The following ERICH1 variants were observed in gnomAD, a reference collection of about 807,000 sequenced individuals.
The protein encoded by ERICH1 is glutamate-rich protein 1.
ERICH1 carries 56 observed loss-of-function variants against 39.6 expected under a neutral mutation model. That is an observed-to-expected ratio of 1.41 (90% CI 1.14 to 1.77). The LOEUF is 1.77. Ranked by LOEUF, ERICH1 falls within the 40% of genes most tolerant of loss-of-function variation. The pLI, the probability that ERICH1 is intolerant of heterozygous loss-of-function variation, is 0.00. For synonymous variants in ERICH1, 313 were observed against 223.6 expected, an observed-to-expected ratio of 1.40 and a Z score of -3.57; for missense variants, 826 against 575.4, an observed-to-expected ratio of 1.44 and a Z score of -4.45.
intron 3 of ERICH1, among the ~76,000 whole-genome samples, chr8:652,839 C>A (rs190026638): frequency 6.6e-6 from 1 of 152,110 alleles, no homozygotes; most frequent in African/African-American, 2.4e-5. Context: ...TCAACACGCA[C>A]GCAAAAAGAT....
At chr8:664,977 T>C (rs1219170367) in intron 5 of ERICH1, among the ~76,000 whole-genome samples, 1 of 152,186 alleles carries the variant, frequency 6.6e-6, no homozygotes, top group East Asian at 1.9e-4. Context: ...TGCAATATTA[T>C]AGGCTTAACA....
At chr8:630,467 CAG>C (rs55726240) in intron 3 of ERICH1, among the ~76,000 whole-genome samples, 7 of 80,832 alleles carry the variant, frequency 8.7e-5, no homozygotes, top group East Asian at 8.1e-4. Context: ...AGCACCCAGA[CAG>C]ACAGAGCTGA....
intron 3 of ERICH1, among the ~76,000 whole-genome samples, chr8:635,544 C>T (rs996833734): frequency 3.3e-5 from 5 of 152,222 alleles, no homozygotes; most frequent in South Asian, 2.1e-4. Flanking sequence ...TCACAGCCCG[C>T]AGGCGGCACA....
At chr8:670,594 G>T (rs1209339355) in intron 4 of ERICH1, among the ~76,000 whole-genome samples, 1 of 152,158 alleles carries the variant, frequency 6.6e-6, no homozygotes. Context: ...TCGAGGGTCA[G>T]GCCGATCCTC....
downstream of ERICH1, among the ~76,000 whole-genome samples, chr8:660,552 G>C (rs1801273011): frequency 6.6e-6 from 1 of 152,262 alleles, no homozygotes; most frequent in Non-Finnish European, 1.5e-5. Context: ...AGAGGTCCCA[G>C]CCCGGGCTGT....
intron 3 of ERICH1, among the ~76,000 whole-genome samples, chr8:621,247 A>G (rs1393716060): frequency 2.0e-5 from 3 of 152,190 alleles, no homozygotes; most frequent in East Asian, 3.8e-4. Flanking sequence ...CATCATGCCA[A>G]TATTTATAGA....
At chr8:699,783 AC>A (rs1211379851) in intron 2 of ERICH1, among the ~76,000 whole-genome samples, 259 of 99,038 alleles carry the variant, frequency 2.6e-3, no homozygotes, top group South Asian at 5.0e-3. Flanking sequence ...AGACCCGCAC[AC>A]GCGCACAGAC....
chr8:681,200 C>T (rs530830648), intron 3 of ERICH1, among the ~76,000 whole-genome samples: 6 of 152,320 alleles, frequency 3.9e-5, no homozygotes, highest in East Asian at 1.9e-4. Flanking sequence ...CAAATCGCCA[C>T]GCCCAGAGCC....
intron 1 of ERICH1, 49 bp downstream of exon 1, chr8:731,091 G>A (rs751536691): frequency 6.4e-6 from 9 of 1,417,160 alleles, no homozygotes; most frequent in African/African-American, 1.5e-5. Flanking sequence ...GGTCTGAGCC[G>A]AGAGCCGGGT....
chr8:621,219 A>G (rs568133389), intron 3 of ERICH1, among the ~76,000 whole-genome samples: 1 of 152,284 alleles, frequency 6.6e-6, no homozygotes, highest in East Asian at 1.9e-4. Context: ...AAACTTGAGA[A>G]GGATGAAAAT....
intron 1 of ERICH1, among the ~76,000 whole-genome samples, chr8:727,476 C>G (rs557744951): frequency 6.6e-6 from 1 of 152,202 alleles, no homozygotes; most frequent in Non-Finnish European, 1.5e-5. Context: ...ACTGGCAGCT[C>G]CAACTTCATC....
chr8:626,015 A>T (rs1181260205), intron 3 of ERICH1: 2 of 152,238 alleles, frequency 1.3e-5, no homozygotes, highest in Non-Finnish European at 2.9e-5. Flanking sequence ...ATTCTACAAT[A>T]GAAAATATAC....
At chr8:699,965 G>A (rs1811478638) in intron 2 of ERICH1, among the ~76,000 whole-genome samples, 1 of 125,290 alleles carries the variant, frequency 8.0e-6, no homozygotes, top group Admixed American at 8.2e-5. Flanking sequence ...GCCCGCACAC[G>A]CGCACAGACC....
chr8:669,820 C>T (rs1331914301), intron 4 of ERICH1, among the ~76,000 whole-genome samples: 1 of 152,236 alleles, frequency 6.6e-6, no homozygotes, highest in Non-Finnish European at 1.5e-5. Flanking sequence ...GGTCTTGTTT[C>T]TCTGGCTGCT....
chr8:642,160 A>G (rs1382685959), intron 3 of ERICH1, among the ~76,000 whole-genome samples: 1 of 152,224 alleles, frequency 6.6e-6, no homozygotes, highest in South Asian at 2.1e-4. Flanking sequence ...CTGCTTGGAC[A>G]CTGGCCCACC....
At chr8:634,113 A>G (rs935343587) in intron 3 of ERICH1, among the ~76,000 whole-genome samples, 1 of 150,652 alleles carries the variant, frequency 6.6e-6, no homozygotes, top group African/African-American at 2.4e-5. Context: ...ATATTTACAA[A>G]TCATGCATCT....
chr8:682,956 T>C (rs1010462604), intron 3 of ERICH1, among the ~76,000 whole-genome samples: 1 of 152,246 alleles, frequency 6.6e-6, no homozygotes, highest in South Asian at 2.1e-4. Flanking sequence ...ATCAAGTTGA[T>C]CTAAACCCTA....
At chr8:664,731 A>G (rs1051668629) in intron 5 of ERICH1, 55 bp from the exon 6 acceptor site, 16 of 1,445,098 alleles carry the variant, frequency 1.1e-5, no homozygotes, top group South Asian at 3.6e-5. Context: ...AAGAAAAATC[A>G]TAAGTTATTA....
chr8:674,582 G>A lies in ERICH1; in HGVS notation c.305-535C>T, dbSNP rs187861285. ...GGCTCCCAAAGTGCTGGGATTTCAG[G>A]AATGAGCCATTGCGCCTGGCCAGTT... is the stretch of plus-strand genomic sequence containing the variant. On this transcript the variant is annotated intron_variant, in intron 3 of 5. Coordinates refer to ENST00000262109, the MANE Select transcript of ERICH1 (RefSeq NM_207332.3). 1.3e-4 allele frequency among the ~76,000 whole-genome samples: 20 copies of A among 152,308 alleles called. No individual in the cohort carries two copies. The East Asian group carries it at 3.9e-3, about 29-fold the overall frequency.
Sources: gnomAD v4.1 joint callset for allele counts (sites outside exome capture counted in the v4.1 genomes callset) on GRCh38, gnomAD v4.1.1 for gene constraint, MANE v1.5 for transcripts, NCBI Gene and HGNC (gene_info 2026-07-23, HGNC 2026-07-21) for gene names.